GALNT14: variants seen among roughly 807,000 people sequenced by gnomAD.
The protein encoded by GALNT14 is polypeptide N-acetylgalactosaminyltransferase 14.
GALNT14 carries 60 observed loss-of-function variants against 77.5 expected under a neutral mutation model. That is an observed-to-expected ratio of 0.77 (90% CI 0.63 to 0.96). The LOEUF (loss-of-function observed/expected upper bound fraction) is 0.96. Among genes scored for constraint, GALNT14 ranks in the 40% least tolerant of loss-of-function variants. The pLI is 0.00. For synonymous variants in GALNT14, 280 were observed against 281.7 expected, an observed-to-expected ratio of 0.99 and a Z score of 0.06; for missense variants, 710 against 731.0, an observed-to-expected ratio of 0.97 and a Z score of 0.33.
At chr2:31,083,471 C>G (rs1676257364) in intron 1 of GALNT14, among the ~76,000 whole-genome samples, 1 of 152,136 alleles carries the variant, frequency 6.6e-6, no homozygotes, top group African/African-American at 2.4e-5. Context: ...AATAAGAAAA[C>G]AGAACAAGGA....
At chr2:30,932,830 CAGG>C (rs1254201797) in intron 9 of GALNT14, among the ~76,000 whole-genome samples, 1 of 152,164 alleles carries the variant, frequency 6.6e-6, no homozygotes, top group African/African-American at 2.4e-5. Context: ...AATCATAACC[CAGG>C]AGGAGAAAGT....
chr2:31,084,975 C>A (rs1676349046), intron 1 of GALNT14, among the ~76,000 whole-genome samples: 1 of 151,746 alleles, frequency 6.6e-6, no homozygotes, highest in African/African-American at 2.4e-5. Context: ...CAGTGAGTGC[C>A]AAGATCGCAC....
the GALNT14 span, among the ~76,000 whole-genome samples, chr2:30,897,111 C>T: frequency 6.6e-6 from 1 of 152,166 alleles, no homozygotes; most frequent in South Asian, 2.1e-4. Flanking sequence ...CCCAGCTTTA[C>T]CTGCCCCCCA....
At chr2:31,094,457 C>A (rs917308398) in intron 1 of GALNT14, among the ~76,000 whole-genome samples, 6 of 152,326 alleles carry the variant, frequency 3.9e-5, no homozygotes, top group Non-Finnish European at 8.8e-5. Context: ...GCATGACAGA[C>A]CCGATGCCAT....
At chr2:30,888,146 C>T in the GALNT14 span, among the ~76,000 whole-genome samples, 98 of 152,328 alleles carry the variant, frequency 6.4e-4, 1 homozygote, top group East Asian at 0.018. Context: ...CCTGCTAGGT[C>T]TGTTCCTTCC....
intron 2 of GALNT14, among the ~76,000 whole-genome samples, chr2:30,969,696 A>C (rs1408707136): frequency 6.6e-6 from 1 of 152,182 alleles, no homozygotes; most frequent in African/African-American, 2.4e-5. Context: ...CTAGACCTAC[A>C]GACCACGTGA....
At chr2:30,932,333 G>T in intron 9 of GALNT14, 139 bp from the exon 10 acceptor site, 1 of 758,800 alleles carries the variant, frequency 1.3e-6, no homozygotes. Context: ...TCCACTGGCT[G>T]AGAGACCTCA....
intron 1 of GALNT14, among the ~76,000 whole-genome samples, chr2:31,065,679 A>G (rs1424629208): frequency 6.6e-6 from 1 of 152,140 alleles, no homozygotes; most frequent in African/African-American, 2.4e-5. Flanking sequence ...CTGTATTGAA[A>G]AAGTTATGTG....
chr2:31,048,473 C>G (rs1282103426), intron 1 of GALNT14, among the ~76,000 whole-genome samples: 1 of 152,126 alleles, frequency 6.6e-6, no homozygotes. Flanking sequence ...AAGACTCAGC[C>G]AAGAAGCCTA....
At chr2:30,918,901 G>A (rs1664866654) in intron 13 of GALNT14, among the ~76,000 whole-genome samples, 1 of 151,878 alleles carries the variant, frequency 6.6e-6, no homozygotes, top group African/African-American at 2.4e-5. Context: ...CGGGCAGGGA[G>A]GGTGGTGTGC....
chr2:31,099,170 G>A (rs1421467770), intron 1 of GALNT14, among the ~76,000 whole-genome samples: 1 of 152,038 alleles, frequency 6.6e-6, no homozygotes, highest in East Asian at 1.9e-4. Flanking sequence ...GATAAAATAT[G>A]CTATTCCTAT....
chr2:30,930,653 G>A (rs1159393274), intron 10 of GALNT14, among the ~76,000 whole-genome samples: 2 of 152,192 alleles, frequency 1.3e-5, no homozygotes, highest in African/African-American at 4.8e-5. Context: ...CTGAAAAGGG[G>A]GTGCTCTTTC....
intron 1 of GALNT14, among the ~76,000 whole-genome samples, chr2:31,036,934 T>G (rs1672769288): frequency 6.6e-6 from 1 of 152,242 alleles, no homozygotes; most frequent in Non-Finnish European, 1.5e-5. Context: ...TCTTCATCTT[T>G]GACATTTTTA....
intron 1 of GALNT14, among the ~76,000 whole-genome samples, chr2:31,050,251 C>G (rs1054037076): frequency 7.9e-5 from 12 of 152,192 alleles, no homozygotes; most frequent in African/African-American, 2.9e-4. Flanking sequence ...TTAACTAATG[C>G]CTTTCTGTTT....
intron 6 of GALNT14, among the ~76,000 whole-genome samples, chr2:30,946,537 T>C (rs1287357439): frequency 6.6e-6 from 1 of 152,186 alleles, no homozygotes; most frequent in East Asian, 1.9e-4. Flanking sequence ...TGATTGTAAG[T>C]TTCCTGAGGT....
intron 8 of GALNT14, among the ~76,000 whole-genome samples, chr2:30,943,211 T>C (rs1052222940): frequency 5.9e-5 from 9 of 152,184 alleles, no homozygotes; most frequent in African/African-American, 9.7e-5. Flanking sequence ...CACACCCTCA[T>C]ATTTTTTTCC....
intron 2 of GALNT14, among the ~76,000 whole-genome samples, chr2:30,971,916 G>T (rs1668378946): frequency 6.6e-6 from 1 of 152,200 alleles, no homozygotes; most frequent in African/African-American, 2.4e-5. Context: ...CGGAGAGCGT[G>T]ATGATGATCA....
At chr2:31,117,050 T>C (rs897313359) in intron 1 of GALNT14, among the ~76,000 whole-genome samples, 8 of 151,482 alleles carry the variant, frequency 5.3e-5, no homozygotes, top group Non-Finnish European at 1.2e-4. Flanking sequence ...AAAAAAAAAA[T>C]TAAAAAAAAG....
intron 1 of GALNT14, among the ~76,000 whole-genome samples, chr2:31,030,873 A>ACCCATCAGCAACTCTTT (rs1295723611): frequency 2.0e-5 from 3 of 152,172 alleles, no homozygotes; most frequent in Non-Finnish European, 4.4e-5. Context: ...TAAGGCTCAG[A>ACCCATCAGCAACTCTTT]CCCATCAGCA....
Sources: allele counts gnomAD v4.1 joint callset (sites outside exome capture counted in the v4.1 genomes callset), GRCh38; gene constraint gnomAD v4.1.1; transcripts MANE v1.5; gene names NCBI Gene and HGNC (gene_info 2026-07-23, HGNC 2026-07-21).